Variants in PARVB observed in about 807,000 individuals in gnomAD.
The protein encoded by PARVB is beta-parvin.
A neutral mutation model predicts 47.0 loss-of-function variants in PARVB; 46 were observed. That is an observed-to-expected ratio of 0.98 (90% CI 0.77 to 1.25). PARVB has a LOEUF of 1.25. PARVB is among the 50% of genes most tolerant of loss of function. The probability of loss-of-function intolerance (pLI) is 0.00; values close to 1 mark genes in which losing one functional copy is unlikely to be tolerated. For missense variants in PARVB, 473 were observed against 471.6 expected, an observed-to-expected ratio of 1.00 and a Z score of -0.03; for synonymous variants, 196 against 196.3, an observed-to-expected ratio of 1.00 and a Z score of 0.01.
At chr22:44,087,329 C>T (rs983077013) in intron 1 of PARVB, among the ~76,000 whole-genome samples, 2 of 152,204 alleles carry the variant, frequency 1.3e-5, no homozygotes, top group African/African-American at 4.8e-5. Context: ...TGAAATGACA[C>T]ACTTAGAAAA....
chr22:44,036,750 T>C (rs2050929776), intron 1 of PARVB, among the ~76,000 whole-genome samples: 1 of 152,118 alleles, frequency 6.6e-6, no homozygotes, highest in Non-Finnish European at 1.5e-5. Flanking sequence ...GGCGGATCAC[T>C]TGAGCTCAGG....
At chr22:44,126,377 G>A (rs1481490511) in intron 4 of PARVB, among the ~76,000 whole-genome samples, 1 of 152,170 alleles carries the variant, frequency 6.6e-6, no homozygotes, top group African/African-American at 2.4e-5. Context: ...CCAAAGTTTT[G>A]ATGTTTTGCA....
intron 4 of PARVB, among the ~76,000 whole-genome samples, chr22:44,131,046 TC>T (rs1569140836): frequency 8.3e-5 from 4 of 48,262 alleles, no homozygotes; most frequent in African/African-American, 2.9e-4. Flanking sequence ...CCTCCCTCCC[TC>T]CCTCCCTCCC....
chr22:44,157,288 G>C (rs2053956259), intron 10 of PARVB, among the ~76,000 whole-genome samples: 1 of 152,134 alleles, frequency 6.6e-6, no homozygotes, highest in Non-Finnish European at 1.5e-5. Context: ...TGTGCCAGGT[G>C]CTCCCTCCCA....
At chr22:44,091,228 C>A (rs918108021) in intron 1 of PARVB, among the ~76,000 whole-genome samples, 2 of 150,216 alleles carry the variant, frequency 1.3e-5, no homozygotes, top group Non-Finnish European at 2.9e-5. Flanking sequence ...TGTGCGGCAG[C>A]CAGGCTGGCT....
At chr22:44,163,832 G>A (rs1569165526) in intron 11 of PARVB, 26 bp from the exon 12 acceptor site, 14 of 1,588,586 alleles carry the variant, frequency 8.8e-6, no homozygotes, top group South Asian at 2.3e-5. Context: ...GGACCCTAAC[G>A]CTGACCCACC....
intron 1 of PARVB, among the ~76,000 whole-genome samples, chr22:44,036,173 C>G (rs930956761): frequency 2.0e-5 from 3 of 152,176 alleles, no homozygotes; most frequent in Admixed American, 1.3e-4. Flanking sequence ...AGGAGAATCA[C>G]TTGAACCCAG....
intron 1 of PARVB, among the ~76,000 whole-genome samples, chr22:44,039,589 C>T (rs1398512346): frequency 1.3e-5 from 2 of 150,992 alleles, no homozygotes; most frequent in African/African-American, 4.9e-5. Flanking sequence ...GACTCTTGTA[C>T]AGGAATGTTC....
At position 44,169,730 on chromosome 22, in the gene PARVB, AGAGTCTC is replaced by A. The variant is rs1263520092; in HGVS notation, c.*1054_*1060del. 6.7e-6 allele frequency: 1 copy of A among 150,124 alleles called. No individual in the cohort carries two copies. Among genetic ancestry groups the A allele is most frequent in the Non-Finnish European group, 1.5e-5 (1 of 68,112 alleles). The allele number at this position is 150,124 out of a possible 1,614,324, so 9.3% of individuals were successfully genotyped here. On this transcript the variant is annotated 3_prime_UTR_variant, in exon 13 of 13. Coordinates refer to ENST00000338758, the MANE Select transcript of PARVB (RefSeq NM_013327.5). The stretch of plus-strand genomic sequence containing the variant: ...TATTTTTGTTTTTATTTTTTGAGAC[AGAGTCTC>A]GCTCTGTCACCAGGCTGGAGTGCAG...
At chr22:44,033,832 G>A (rs4481092) in intron 1 of PARVB, among the ~76,000 whole-genome samples, 17 of 152,258 alleles carry the variant, frequency 1.1e-4, no homozygotes, top group East Asian at 3.9e-4. Flanking sequence ...GCCTGCGTAC[G>A]TTGCTTGCTC....
intron 1 of PARVB, among the ~76,000 whole-genome samples, chr22:44,036,438 A>G (rs1021667558): frequency 6.6e-6 from 1 of 152,172 alleles, no homozygotes; most frequent in African/African-American, 2.4e-5. Context: ...ATGAGTATCT[A>G]CATATATTTT....
intron 1 of PARVB, among the ~76,000 whole-genome samples, chr22:44,055,747 C>A (rs897188684): frequency 5.5e-4 from 83 of 151,918 alleles, no homozygotes; most frequent in African/African-American, 2.0e-3. Context: ...ACTGAGAAAT[C>A]CCAGGATCTT....
In PARVB at chr22:44,003,275, A is replaced by G. The variant is rs188122407; in HGVS notation, c.211+3602A>G. Among the ~76,000 whole-genome samples, 297 of 152,340 alleles carry G rather than the reference A, an allele frequency of 1.9e-3. 1 individual carries two copies. The highest frequency in any genetic ancestry group is 3.4e-3 in the Non-Finnish European group (232 of 68,026). ...CAAATACAATTGCTTTGATCTTATTATCATAGCCAGAAATTACCGTTCATC... is the reference window on the plus strand; with the variant it reads ...CAAATACAATTGCTTTGATCTTATTGTCATAGCCAGAAATTACCGTTCATC... On this transcript the variant is annotated intron_variant, in intron 2 of 13. Coordinates refer to the PARVB transcript ENST00000406477.
At chr22:44,147,691 GATC>G (rs772832375) in intron 8 of PARVB, 167 bp from the exon 9 acceptor site, 3 of 763,192 alleles carry the variant, frequency 3.9e-6, no homozygotes, top group Non-Finnish European at 7.2e-6. Context: ...GGCCGGGACT[GATC>G]ATCAGGGTCA....
At chr22:44,046,824 T>C (rs984840768) in intron 1 of PARVB, among the ~76,000 whole-genome samples, 7 of 152,350 alleles carry the variant, frequency 4.6e-5, no homozygotes, top group Admixed American at 4.6e-4. Context: ...ACTTGGAGAC[T>C]GAGGCCAGAG....
chr22:44,088,719 AC>A (rs1175110920), intron 1 of PARVB, among the ~76,000 whole-genome samples: 1 of 152,086 alleles, frequency 6.6e-6, no homozygotes, highest in African/African-American at 2.4e-5. Flanking sequence ...TGATTTGCCC[AC>A]CTTGGCCTCC....
In PARVB at chr22:44,086,824, C is replaced by T. The variant is rs575351742; in HGVS notation, c.113-7104C>T. On this transcript the variant is annotated intron_variant, in intron 1 of 12. Coordinates refer to ENST00000338758, the MANE Select transcript of PARVB (RefSeq NM_013327.5). ...CGAAGAAACCACACCCCTCTGAGTA[C>T]GGATGGAAGTTGGAAAATTCATAGA... The T allele has an allele frequency of 8.8e-4, 868 of 985,366 alleles. 6 individuals are homozygous for T. The highest frequency in any genetic ancestry group is 8.4e-4 in the Non-Finnish European group (699 of 829,864). 61.0% of individuals were successfully genotyped at this position (985,366 alleles called of 1,614,324 possible). A position where few individuals can be genotyped will look rare whatever the true frequency, so the allele number is the denominator to read the frequency against.
intron 1 of PARVB, among the ~76,000 whole-genome samples, chr22:44,052,847 G>A (rs937703872): frequency 2.6e-5 from 4 of 152,170 alleles, no homozygotes; most frequent in South Asian, 2.1e-4. Flanking sequence ...GGAGGCTGAG[G>A]TGGGAAGATC....
intron 1 of PARVB, among the ~76,000 whole-genome samples, chr22:44,092,777 G>C (rs187417613): frequency 6.6e-6 from 1 of 152,238 alleles, no homozygotes; most frequent in Non-Finnish European, 1.5e-5. Flanking sequence ...GCATGAGTGG[G>C]GCCCTGTTGG....
Sources: allele counts gnomAD v4.1 joint callset (sites outside exome capture counted in the v4.1 genomes callset), GRCh38; gene constraint gnomAD v4.1.1; transcripts MANE v1.5; gene names NCBI Gene and HGNC (gene_info 2026-07-23, HGNC 2026-07-21).